Variants in ZMAT4 observed in about 807,000 individuals in gnomAD.
ZMAT4 encodes zinc finger matrin-type 4.
In ZMAT4, 17 loss-of-function variants were observed where a neutral mutation model predicts 28.7. The ratio of observed to expected loss-of-function variants is 0.59; its 90% CI spans 0.41 to 0.89. The LOEUF (loss-of-function observed/expected upper bound fraction) is 0.89. Ranked by LOEUF, ZMAT4 falls within the 40% of genes least tolerant of loss-of-function variation. The probability of loss-of-function intolerance (pLI) is 0.00; values close to 1 mark genes in which losing one functional copy is unlikely to be tolerated. For synonymous variants in ZMAT4, 117 were observed against 109.2 expected, an observed-to-expected ratio of 1.07 and a Z score of -0.44; for missense variants, 240 against 283.8, an observed-to-expected ratio of 0.85 and a Z score of 1.11.
At chr8:40,758,380 G>A (rs1019803614) in intron 3 of ZMAT4, among the ~76,000 whole-genome samples, 1 of 152,002 alleles carries the variant, frequency 6.6e-6, no homozygotes, top group African/African-American at 2.4e-5. Flanking sequence ...AATCTGTAAG[G>A]TTTTTTCATT....
At chr8:40,544,718 A>G (rs1210579947) in intron 6 of ZMAT4, among the ~76,000 whole-genome samples, 1 of 152,184 alleles carries the variant, frequency 6.6e-6, no homozygotes, top group African/African-American at 2.4e-5. Flanking sequence ...TGCAAAATGA[A>G]AAAAAAGGTT....
At chr8:40,854,800 G>C (rs369886836) in intron 1 of ZMAT4, among the ~76,000 whole-genome samples, 3 of 152,080 alleles carry the variant, frequency 2.0e-5, no homozygotes, top group African/African-American at 7.2e-5. Flanking sequence ...CCTGGGTACT[G>C]GTAGTGGTCA....
chr8:40,840,511 A>G (rs992306317), intron 1 of ZMAT4, among the ~76,000 whole-genome samples: 5 of 152,202 alleles, frequency 3.3e-5, no homozygotes, highest in African/African-American at 1.2e-4. Flanking sequence ...TGACTGTGGC[A>G]TTTCTTCTCA....
intron 3 of ZMAT4, among the ~76,000 whole-genome samples, chr8:40,710,975 G>A (rs556119326): frequency 8.8e-4 from 134 of 152,006 alleles, no homozygotes; most frequent in African/African-American, 3.0e-3. Flanking sequence ...TAGTAGAGAC[G>A]GGGTTTCACC....
rs1019503354 is a variant in ZMAT4 at position 40,582,530 on chromosome 8, A to T, written c.578-1269T>A. 3.3e-5 allele frequency among the ~76,000 whole-genome samples: 5 copies of T among 152,204 alleles called. No homozygotes were observed. In the East Asian group the frequency reaches 9.6e-4, roughly 29 times the overall value. ...ATATATATACAACAATGTTTAGCAA[A>T]TGAGTACAAAATTCTGTTCTAGCAT... On this transcript the variant is annotated intron_variant, in intron 5 of 6. Transcript: ENST00000297737.
chr8:40,535,604 A>G (rs1310709907), intron 6 of ZMAT4, among the ~76,000 whole-genome samples: 3 of 151,800 alleles, frequency 2.0e-5, no homozygotes, highest in Non-Finnish European at 4.4e-5. Flanking sequence ...AGGAGGCAGA[A>G]GTTGCAGTGA....
chr8:40,616,794 A>G (rs1162449344), intron 5 of ZMAT4, among the ~76,000 whole-genome samples: 1 of 151,764 alleles, frequency 6.6e-6, no homozygotes, highest in Non-Finnish European at 1.5e-5. Context: ...CTAAATGACG[A>G]GTTAATGGGT....
intron 6 of ZMAT4, among the ~76,000 whole-genome samples, chr8:40,575,831 T>C (rs1425964348): frequency 6.6e-6 from 1 of 151,466 alleles, no homozygotes; most frequent in East Asian, 1.9e-4. Flanking sequence ...AATTACAAAA[T>C]GCCAGAAAAG....
intron 1 of ZMAT4, among the ~76,000 whole-genome samples, chr8:40,888,276 C>T (rs1353803295): frequency 6.6e-6 from 1 of 152,224 alleles, no homozygotes; most frequent in East Asian, 1.9e-4. Context: ...TAGCTCATTC[C>T]ATGCCTGGCT....
chr8:40,881,467 GAAA>G (rs1818235339), intron 1 of ZMAT4, among the ~76,000 whole-genome samples: 1 of 141,582 alleles, frequency 7.1e-6, no homozygotes, highest in Non-Finnish European at 1.5e-5. Context: ...AAGAAAGAAA[GAAA>G]GAAAGAAAGA....
intron 6 of ZMAT4, among the ~76,000 whole-genome samples, chr8:40,538,113 C>T (rs764142990): frequency 6.6e-6 from 1 of 152,174 alleles, no homozygotes; most frequent in African/African-American, 2.4e-5. Context: ...TTATACCTCT[C>T]CAGCATGAAC....
chr8:40,876,248 A>G (rs1345139676), intron 1 of ZMAT4, among the ~76,000 whole-genome samples: 1 of 152,224 alleles, frequency 6.6e-6, no homozygotes. Flanking sequence ...ATGAAGATGA[A>G]GACCTTTATG....
rs1223324603 is a variant in ZMAT4, at chr8:40,647,328, A to G, written c.577+27376T>C. Among the ~76,000 whole-genome samples, 7 of 152,286 alleles carry G rather than the reference A, an allele frequency of 4.6e-5. No homozygotes were observed. The Middle Eastern group carries it at 0.017, about 370-fold the overall frequency. On this transcript the variant is annotated intron_variant, in intron 5 of 6. Coordinates refer to ENST00000297737, the MANE Select transcript of ZMAT4 (RefSeq NM_024645.3). ...AAAGGGGTGACAGACAGCACCTGGA[A>G]AATCGGGTCACTCCCACCCGAATAC...
chr8:40,645,458 G>A (rs886283666), intron 5 of ZMAT4, among the ~76,000 whole-genome samples: 3 of 152,034 alleles, frequency 2.0e-5, no homozygotes, highest in Admixed American at 1.3e-4. Context: ...AAACTAAATA[G>A]AACACACAGA....
chr8:40,556,587 T>G (rs949246885), intron 6 of ZMAT4, among the ~76,000 whole-genome samples: 5 of 152,188 alleles, frequency 3.3e-5, no homozygotes, highest in Admixed American at 2.6e-4. Flanking sequence ...CTGGACTACC[T>G]AAATAGTTTC....
At chr8:40,546,974 G>A (rs991432216) in intron 6 of ZMAT4, among the ~76,000 whole-genome samples, 8 of 152,038 alleles carry the variant, frequency 5.3e-5, no homozygotes, top group Admixed American at 5.2e-4. Context: ...CACACACACA[G>A]CAAACTTTCA....
At chr8:40,721,284 C>G (rs1373349849) in intron 3 of ZMAT4, among the ~76,000 whole-genome samples, 1 of 139,614 alleles carries the variant, frequency 7.2e-6, no homozygotes, top group African/African-American at 2.7e-5. Flanking sequence ...CAATTTCATC[C>G]ATGTCCCTAC....
chr8:40,607,733 G>A (rs1430538295), intron 5 of ZMAT4, among the ~76,000 whole-genome samples: 4 of 152,094 alleles, frequency 2.6e-5, no homozygotes, highest in Non-Finnish European at 5.9e-5. Flanking sequence ...CCCTTGATGT[G>A]GTGCTCTCCC....
chr8:40,674,433 A>G lies in ZMAT4; in HGVS notation c.577+271T>C, dbSNP rs1585858978. Reference sequence around the variant, plus strand: ...TAAAGAAGGCAGTTAAAGATAAAGCAGAAGGAAAACAATCTGGTTCATGAA... The same window carrying G: ...TAAAGAAGGCAGTTAAAGATAAAGCGGAAGGAAAACAATCTGGTTCATGAA... On this transcript the variant is annotated intron_variant, in intron 5 of 6. Coordinates refer to ENST00000297737, the MANE Select transcript of ZMAT4 (RefSeq NM_024645.3). 2.0e-5 allele frequency: 8 copies of G among 399,484 alleles called. No individual in the cohort carries two copies. In the East Asian group the frequency reaches 3.2e-4, roughly 16 times the overall value. 24.7% of individuals were successfully genotyped at this position (399,484 alleles called of 1,614,324 possible).
Sources: allele counts gnomAD v4.1 joint callset (sites outside exome capture counted in the v4.1 genomes callset), GRCh38; gene constraint gnomAD v4.1.1; transcripts MANE v1.5; gene names NCBI Gene and HGNC (gene_info 2026-07-23, HGNC 2026-07-21).